The following RYR3 variants were observed in gnomAD, a reference collection of about 807,000 sequenced individuals.
RYR3 encodes ryanodine receptor 3.
In RYR3, 207 loss-of-function variants were observed where a neutral mutation model predicts 584.3. The observed-to-expected ratio is 0.35, with a 90% CI of 0.32 to 0.40. The LOEUF (loss-of-function observed/expected upper bound fraction) is 0.40, where lower values mean the gene tolerates loss of function less well. Among genes scored for constraint, RYR3 ranks in the 10% least tolerant of loss-of-function variants. The probability of loss-of-function intolerance (pLI) is 1.00; values close to 1 mark genes in which losing one functional copy is unlikely to be tolerated. For synonymous variants in RYR3, 2,416 were observed against 2,248.5 expected, an observed-to-expected ratio of 1.07 and a Z score of -2.11; for missense variants, 5,616 against 6,089.2, an observed-to-expected ratio of 0.92 and a Z score of 2.59.
chr15:33,735,320 C>G (rs971098263), intron 48 of RYR3, among the ~76,000 whole-genome samples: 1 of 152,238 alleles, frequency 6.6e-6, no homozygotes, highest in Non-Finnish European at 1.5e-5. Context: ...CTTTTTATCA[C>G]AAGGCCAGCT....
At chr15:33,853,755 T>A in intron 96 of RYR3, 73 bp downstream of exon 96, 2 of 1,546,134 alleles carry the variant, frequency 1.3e-6, no homozygotes, top group Admixed American at 1.9e-5. Context: ...TAGGAAAAAA[T>A]CACAACCGTG....
chr15:33,418,990 CTT>C (rs1053286942), intron 1 of RYR3, among the ~76,000 whole-genome samples: 1 of 152,126 alleles, frequency 6.6e-6, no homozygotes, highest in Non-Finnish European at 1.5e-5. Flanking sequence ...AGGTGAGCAG[CTT>C]TTGATGGGAG....
intron 1 of RYR3, among the ~76,000 whole-genome samples, chr15:33,456,090 C>T (rs2047536102): frequency 6.6e-6 from 1 of 152,162 alleles, no homozygotes; most frequent in Admixed American, 6.5e-5. Context: ...GTGTTTAACC[C>T]TCACTTTCAG....
At chr15:33,339,374 G>C (rs986731640) in intron 1 of RYR3, among the ~76,000 whole-genome samples, 1 of 152,200 alleles carries the variant, frequency 6.6e-6, no homozygotes, top group Admixed American at 6.5e-5. Context: ...CAGTGACCAG[G>C]GAACGAGTTA....
intron 1 of RYR3, among the ~76,000 whole-genome samples, chr15:33,437,117 AGTGTGT>A (rs71415518): frequency 0.038 from 5,717 of 149,470 alleles, 294 homozygotes; most frequent in African/African-American, 0.12. Context: ...AGAGAGATAG[AGTGTGT>A]GTGTGTGTGT....
chr15:33,551,845 A>G lies in RYR3; in HGVS notation c.972+1529A>G, dbSNP rs2056700110. ...TTGCCTCCAGGAAGTGATTTAGAGC[A>G]GTGCAACTTTCTGAAAGATTCAGTG... is the stretch of plus-strand genomic sequence containing the variant. On this transcript the variant is annotated intron_variant, in intron 10 of 103. Transcript: ENST00000634891. Among the ~76,000 whole-genome samples the G allele has an allele frequency of 2.0e-5, 3 of 152,184 alleles. No individual in the cohort carries two copies. In the South Asian group the frequency reaches 6.2e-4, roughly 32 times the overall value.
At chr15:33,379,708 T>G (rs770938686) in intron 1 of RYR3, among the ~76,000 whole-genome samples, 4 of 148,140 alleles carry the variant, frequency 2.7e-5, no homozygotes, top group Non-Finnish European at 4.5e-5. Context: ...TATATATATA[T>G]GAATTTGTTA....
chr15:33,858,174 T>G (rs1415434159), intron 99 of RYR3: 1 of 421,006 alleles, frequency 2.4e-6, no homozygotes, highest in Non-Finnish European at 4.2e-6. Flanking sequence ...AGTGGCGTCA[T>G]CATTCATCTA....
At chr15:33,843,356 A>G (rs2078502363) in intron 91 of RYR3, 132 bp from the exon 92 acceptor site, 2 of 632,066 alleles carry the variant, frequency 3.2e-6, no homozygotes, top group Admixed American at 2.6e-5. Context: ...GGGTTACCCT[A>G]GAAGAGTGGT....
intron 1 of RYR3, among the ~76,000 whole-genome samples, chr15:33,444,902 T>TA (rs562364499): frequency 0.03 from 4,045 of 133,436 alleles, 191 homozygotes; most frequent in African/African-American, 0.1. Context: ...ACTTAAAGTA[T>TA]AAAAAAAAAA....
intron 1 of RYR3, among the ~76,000 whole-genome samples, chr15:33,458,717 G>C (rs2047769220): frequency 6.6e-6 from 1 of 152,156 alleles, no homozygotes; most frequent in African/African-American, 2.4e-5. Context: ...GTAGCCAGGG[G>C]AGAAGTCCTA....
intron 1 of RYR3, among the ~76,000 whole-genome samples, chr15:33,458,104 A>G (rs531721942): frequency 5.1e-4 from 78 of 152,202 alleles, no homozygotes; most frequent in African/African-American, 1.9e-3. Flanking sequence ...CTGGTAAAAC[A>G]TTATTTCTGG....
chr15:33,863,899 TTC>T (rs1342599809), intron 102 of RYR3, among the ~76,000 whole-genome samples: 2 of 152,206 alleles, frequency 1.3e-5, no homozygotes, highest in Non-Finnish European at 2.9e-5. Context: ...TCTTACTTAG[TTC>T]AAGGTATAGG....
intron 12 of RYR3, among the ~76,000 whole-genome samples, chr15:33,567,761 T>C (rs1369310): frequency 0.87 from 132,265 of 152,170 alleles, 58,243 homozygotes; most frequent in Middle Eastern, 0.98. Context: ...TGCAGATTCT[T>C]AGGTTTTACC....
chr15:33,566,979 G>A (rs927085274), intron 12 of RYR3, among the ~76,000 whole-genome samples, 180 bp downstream of exon 12: 1 of 152,166 alleles, frequency 6.6e-6, no homozygotes, highest in African/African-American at 2.4e-5. Context: ...ACTCCTACTA[G>A]CTTCACCCTT....
At chr15:33,646,057 C>T (rs910504597) in intron 28 of RYR3, among the ~76,000 whole-genome samples, 1 of 152,234 alleles carries the variant, frequency 6.6e-6, no homozygotes, top group Non-Finnish European at 1.5e-5. Flanking sequence ...GAACACTATG[C>T]TGTGTCTCCC....
chr15:33,504,828 C>T (rs1373194541), intron 3 of RYR3, among the ~76,000 whole-genome samples: 1 of 152,162 alleles, frequency 6.6e-6, no homozygotes, highest in African/African-American at 2.4e-5. Context: ...TGCATATCAC[C>T]TATTCCTTCC....
intron 1 of RYR3, among the ~76,000 whole-genome samples, chr15:33,438,091 CA>C (rs1470245252): frequency 1.3e-5 from 2 of 152,162 alleles, no homozygotes; most frequent in Non-Finnish European, 2.9e-5. Flanking sequence ...TCTGGTTAGA[CA>C]GAAACGATGT....
Position 33,861,119 on chromosome 15 carries a change from C to T in RYR3, c.14406C>T (p.Asp4802=). The change falls in exon 102 of 104, where the codon GAC becomes GAT. Residue 4802 remains aspartate, a synonymous_variant. Coordinates refer to ENST00000634891, the MANE Select transcript of RYR3 (RefSeq NM_001036.6). ...FICGIGNDYF[D]TTPHGFETHT... ...GTGGGATTGGCAATGACTACTTTGA[C>T]ACAACCCCTCATGGTTTTGAAACAC... 6.3e-7 allele frequency: 1 copy of T among 1,597,608 alleles called. No homozygotes were observed. Among genetic ancestry groups the T allele is most frequent in the Non-Finnish European group, 8.5e-7 (1 of 1,171,196 alleles).
Sources: allele counts gnomAD v4.1 joint callset (sites outside exome capture counted in the v4.1 genomes callset), GRCh38; gene constraint gnomAD v4.1.1; transcripts MANE v1.5; gene names NCBI Gene and HGNC (gene_info 2026-07-23, HGNC 2026-07-21).